The following GRIK2 variants were observed in gnomAD, a reference collection of about 807,000 sequenced individuals.
GRIK2 encodes glutamate ionotropic receptor kainate type subunit 2, also known as glutamate receptor ionotropic, kainate 2.
A neutral mutation model predicts 100.3 loss-of-function variants in GRIK2; 32 were observed. The observed-to-expected ratio is 0.32, with a 90% CI of 0.24 to 0.43. The LOEUF (loss-of-function observed/expected upper bound fraction) is 0.43. Among genes scored for constraint, GRIK2 ranks in the 20% least tolerant of loss-of-function variants. The pLI, the probability that GRIK2 is intolerant of heterozygous loss-of-function variation, is 1.00. For synonymous variants in GRIK2, 417 were observed against 389.4 expected (o/e 1.07, Z -0.83); for missense variants, 843 against 1,114.9 (o/e 0.76, Z 3.47).
chr6:101,944,426 A>G (rs918583637), intron 14 of GRIK2, among the ~76,000 whole-genome samples: 1 of 152,194 alleles, frequency 6.6e-6, no homozygotes, highest in Admixed American at 6.5e-5. Context: ...TGTAAGTGCT[A>G]TGACTCATTG....
At chr6:101,736,917 C>G (rs571237449) in intron 7 of GRIK2, among the ~76,000 whole-genome samples, 1 of 152,096 alleles carries the variant, frequency 6.6e-6, no homozygotes, top group East Asian at 1.9e-4. Context: ...CCAGTCACCT[C>G]TTGAATGCTT....
chr6:101,553,060 AG>A lies in GRIK2; in HGVS notation c.116-68888del, dbSNP rs1404057692. Among the ~76,000 whole-genome samples, 11 of 152,362 alleles carry A rather than the reference AG, an allele frequency of 7.2e-5. No individual in the cohort carries two copies. In the East Asian group the frequency reaches 2.1e-3, roughly 29 times the overall value. On this transcript the variant is annotated intron_variant, in intron 2 of 16. Transcript: ENST00000369134. ...CCTCATTCATTTAACAGTCAAGGCCAGTTCTCTGTCAAACATTGGAAGGAAA... is the reference window on the plus strand; with the variant it reads ...CCTCATTCATTTAACAGTCAAGGCCATTCTCTGTCAAACATTGGAAGGAAA...
At chr6:101,654,056 A>G (rs1285976558) in intron 4 of GRIK2, among the ~76,000 whole-genome samples, 1 of 152,170 alleles carries the variant, frequency 6.6e-6, no homozygotes, top group Admixed American at 6.6e-5. Context: ...TCATCCTGGT[A>G]TTCTTTGTAC....
In GRIK2 at chr6:101,942,069, C is replaced by T. The variant is rs144535446; in HGVS notation, c.2085+13437C>T. 9.2e-5 allele frequency among the ~76,000 whole-genome samples: 14 copies of T among 151,758 alleles called. No individual in the cohort carries two copies. In the South Asian group the frequency reaches 1.0e-3, roughly 11 times the overall value. On this transcript the variant is annotated intron_variant, in intron 14 of 16. Transcript: ENST00000369134. Reference sequence around the variant, plus strand: ...AATTTAGTTTATTACAAGATGGTCACGATGATGGATGCTCTAGCTATGTTA... The same window carrying T: ...AATTTAGTTTATTACAAGATGGTCATGATGATGGATGCTCTAGCTATGTTA...
intron 14 of GRIK2, among the ~76,000 whole-genome samples, chr6:101,961,454 C>T (rs6901054): frequency 0.04 from 6,122 of 152,144 alleles, 234 homozygotes; most frequent in African/African-American, 0.093. Context: ...CCCATGCCAA[C>T]GCCCCCCACG....
At position 101,590,758 on chromosome 6, in the gene GRIK2, C is replaced by T. The variant is rs188829489; in HGVS notation, c.116-31191C>T. On this transcript the variant is annotated intron_variant, in intron 2 of 16. Coordinates refer to ENST00000369134, the MANE Select transcript of GRIK2 (RefSeq NM_021956.5). ...CCTTCTTTGGGTTTTCTCACTTAAC[C>T]CTAAGGTACAATATTCTCCCTAAAT... 3.9e-3 allele frequency among the ~76,000 whole-genome samples: 600 copies of T among 152,082 alleles called. 8 individuals are homozygous for T. Among genetic ancestry groups the T allele is most frequent in the African/African-American group, 0.014 (575 of 41,510 alleles).
intron 12 of GRIK2, among the ~76,000 whole-genome samples, chr6:101,917,328 G>A (rs1789182607): frequency 6.6e-6 from 1 of 151,618 alleles, no homozygotes; most frequent in Non-Finnish European, 1.5e-5. Context: ...CACACCAGTG[G>A]ATCCATGCTC....
chr6:101,861,343 G>A (rs1326155089), intron 11 of GRIK2, among the ~76,000 whole-genome samples: 2 of 152,160 alleles, frequency 1.3e-5, no homozygotes, highest in East Asian at 3.8e-4. Context: ...GTATTACAAT[G>A]AGAAATCTGT....
chr6:101,707,532 GTGTGTATATA>G (rs201036760), intron 7 of GRIK2, among the ~76,000 whole-genome samples: 24,689 of 136,636 alleles, frequency 0.18, 3,184 homozygotes, highest in African/African-American at 0.34. Context: ...AAATATATAT[GTGTGTATATA>G]TGTATATATG....
intron 12 of GRIK2, among the ~76,000 whole-genome samples, chr6:101,909,501 A>C (rs1788508564): frequency 6.7e-6 from 1 of 150,290 alleles, no homozygotes; most frequent in Admixed American, 6.7e-5. Flanking sequence ...ATGAAAAAAT[A>C]TTTTGAGAAA....
intron 2 of GRIK2, among the ~76,000 whole-genome samples, chr6:101,494,971 TTATA>T (rs369006296): frequency 0.017 from 1,788 of 107,944 alleles, 70 homozygotes; most frequent in African/African-American, 0.054. Context: ...ATATATGCAT[TTATA>T]TATATATATA....
chr6:101,636,576 A>G (rs932524651), intron 4 of GRIK2, among the ~76,000 whole-genome samples: 7 of 152,184 alleles, frequency 4.6e-5, no homozygotes, highest in Admixed American at 4.6e-4. Flanking sequence ...TTATAGGACT[A>G]ATTCTCAAGT....
chr6:101,816,284 T>C (rs1781624916), intron 9 of GRIK2, among the ~76,000 whole-genome samples: 1 of 152,020 alleles, frequency 6.6e-6, no homozygotes, highest in Admixed American at 6.6e-5. Context: ...GCATGATAGG[T>C]ATTAATTATG....
chr6:102,025,803 T>C (rs1170054076), intron 14 of GRIK2, among the ~76,000 whole-genome samples: 2 of 151,182 alleles, frequency 1.3e-5, no homozygotes, highest in Non-Finnish European at 3.0e-5. Flanking sequence ...TGGTTATTTA[T>C]ACCAAGCTGG....
chr6:102,038,610 T>TTTAC (rs143631871), intron 15 of GRIK2, among the ~76,000 whole-genome samples: 12 of 151,360 alleles, frequency 7.9e-5, no homozygotes, highest in Non-Finnish European at 1.8e-4. Flanking sequence ...TGTTAATATA[T>TTTAC]TTACTTACTT....
At chr6:101,959,758 A>G (rs1366461405) in intron 14 of GRIK2, among the ~76,000 whole-genome samples, 1 of 152,064 alleles carries the variant, frequency 6.6e-6, no homozygotes, top group Non-Finnish European at 1.5e-5. Flanking sequence ...TTTAGAAGTG[A>G]TTAGACACTT....
At chr6:101,846,765 A>G (rs1783834264) in intron 10 of GRIK2, among the ~76,000 whole-genome samples, 2 of 151,872 alleles carry the variant, frequency 1.3e-5, no homozygotes, top group Non-Finnish European at 2.9e-5. Context: ...AAATTTGTCT[A>G]TTTCATTGGG....
chr6:101,654,327 C>T (rs1435655253), intron 4 of GRIK2, among the ~76,000 whole-genome samples: 1 of 152,056 alleles, frequency 6.6e-6, no homozygotes, highest in African/African-American at 2.4e-5. Context: ...TTCCCCAGTC[C>T]TGTATTAGAA....
At chr6:101,827,504 C>T (rs1782413457) in intron 10 of GRIK2, among the ~76,000 whole-genome samples, 1 of 151,504 alleles carries the variant, frequency 6.6e-6, no homozygotes, top group Admixed American at 6.6e-5. Flanking sequence ...AAACCAATAT[C>T]AGTCTTTCTG....
Sources: allele counts gnomAD v4.1 joint callset (sites outside exome capture counted in the v4.1 genomes callset), GRCh38; gene constraint gnomAD v4.1.1; transcripts MANE v1.5; gene names NCBI Gene and HGNC (gene_info 2026-07-23, HGNC 2026-07-21).